Variants in AGBL4 observed in about 807,000 individuals in gnomAD.
AGBL4 encodes AGBL carboxypeptidase 4.
In AGBL4, 58 loss-of-function variants were observed where a neutral mutation model predicts 66.4. The observed-to-expected ratio is 0.87, with a 90% confidence interval of 0.71 to 1.09. The LOEUF (loss-of-function observed/expected upper bound fraction) is 1.09. Ranked by LOEUF, AGBL4 falls within the 50% of genes least tolerant of loss-of-function variation. The pLI, the probability that AGBL4 is intolerant of heterozygous loss-of-function variation, is 0.00. For synonymous variants in AGBL4, 234 were observed against 222.9 expected (o/e 1.05, Z -0.44); for missense variants, 579 against 631.0 (o/e 0.92, Z 0.88).
intron 3 of AGBL4, among the ~76,000 whole-genome samples, chr1:49,312,744 TA>T (rs1357886232): frequency 1.3e-5 from 2 of 152,024 alleles, no homozygotes; most frequent in Non-Finnish European, 2.9e-5. Context: ...ATACGTCAAT[TA>T]GAGAATTGCC....
chr1:49,072,848 T>G (rs987258736), intron 4 of AGBL4, among the ~76,000 whole-genome samples: 1 of 152,190 alleles, frequency 6.6e-6, no homozygotes, highest in Admixed American at 6.5e-5. Flanking sequence ...TTCCAACTTG[T>G]TTCCATTCTC....
chr1:49,962,274 A>T (rs1367632617), intron 1 of AGBL4, among the ~76,000 whole-genome samples: 25 of 152,160 alleles, frequency 1.6e-4, no homozygotes. Flanking sequence ...GAATCTAAAA[A>T]TCATTTTGCT....
chr1:49,110,833 A>C (rs1019293123), intron 4 of AGBL4, among the ~76,000 whole-genome samples: 3 of 151,434 alleles, frequency 2.0e-5, no homozygotes, highest in Non-Finnish European at 2.9e-5. Flanking sequence ...AATTCAGTCT[A>C]CTCTTGATTT....
chr1:49,915,205 T>A (rs1651283954), intron 1 of AGBL4, among the ~76,000 whole-genome samples: 1 of 151,812 alleles, frequency 6.6e-6, no homozygotes. Context: ...AGGTACTGGG[T>A]TCATCTCACT....
intron 4 of AGBL4, among the ~76,000 whole-genome samples, chr1:49,094,840 A>C (rs975228678): frequency 3.3e-5 from 5 of 152,262 alleles, no homozygotes; most frequent in Non-Finnish European, 7.4e-5. Context: ...TGGCCAGGGC[A>C]ATCAGGCAGA....
intron 5 of AGBL4, among the ~76,000 whole-genome samples, chr1:49,009,795 A>C (rs1246270019): frequency 6.6e-6 from 1 of 152,102 alleles, no homozygotes; most frequent in African/African-American, 2.4e-5. Flanking sequence ...TTATCTCAAT[A>C]GATGCAGAAA....
At chr1:48,867,110 A>G in intron 6 of AGBL4, 81 bp downstream of exon 6, 1 of 1,491,686 alleles carries the variant, frequency 6.7e-7, no homozygotes, top group Non-Finnish European at 9.3e-7. Context: ...AGAGAAGGGC[A>G]AGAATTGCAT....
chr1:49,111,331 C>T (rs1645405902), intron 4 of AGBL4, among the ~76,000 whole-genome samples: 1 of 152,278 alleles, frequency 6.6e-6, no homozygotes, highest in Non-Finnish European at 1.5e-5. Context: ...CCAGGATGGT[C>T]TCAATCTCCT....
chr1:49,357,118 C>T (rs767385422), intron 3 of AGBL4, among the ~76,000 whole-genome samples: 9 of 152,148 alleles, frequency 5.9e-5, no homozygotes, highest in Non-Finnish European at 1.0e-4. Flanking sequence ...TATAAAGTGA[C>T]TGGGGGCAAA....
At chr1:49,315,907 T>C (rs993551429) in intron 3 of AGBL4, among the ~76,000 whole-genome samples, 1 of 152,076 alleles carries the variant, frequency 6.6e-6, no homozygotes, top group African/African-American at 2.4e-5. Flanking sequence ...CATCTATTTA[T>C]ACAATGAAAT....
In AGBL4 at chr1:49,851,380, C is replaced by T; in HGVS notation, c.157+16G>A. The T allele has an allele frequency of 1.3e-6, 2 of 1,535,558 alleles. No homozygotes were observed. Among genetic ancestry groups the T allele is most frequent in the South Asian group, 2.5e-5 (2 of 80,224 alleles). The stretch of plus-strand genomic sequence containing the variant: ...TACCAGACAAACTTAAAAGGAAAAG[C>T]CTTTAATATACTTACCACTTTCAAA... On this transcript the variant is annotated intron_variant, in intron 2 of 13. Coordinates refer to ENST00000371839, the MANE Select transcript of AGBL4 (RefSeq NM_032785.4).
chr1:49,470,922 C>G (rs1646729981), intron 3 of AGBL4, among the ~76,000 whole-genome samples: 1 of 152,068 alleles, frequency 6.6e-6, no homozygotes, highest in South Asian at 2.1e-4. Flanking sequence ...CCGGCTCACT[C>G]TTAAATTCCT....
At chr1:49,186,650 C>T (rs543883571) in intron 4 of AGBL4, among the ~76,000 whole-genome samples, 1 of 152,286 alleles carries the variant, frequency 6.6e-6, no homozygotes, top group South Asian at 2.1e-4. Context: ...TAATGGGTAT[C>T]ACAGATCCAG....
chr1:49,172,161 T>A (rs1021730464), intron 4 of AGBL4, among the ~76,000 whole-genome samples: 4 of 152,172 alleles, frequency 2.6e-5, no homozygotes, highest in Admixed American at 2.0e-4. Context: ...TATGATCTAA[T>A]AGAGGAGATG....
At chr1:49,188,964 G>T (rs1178286576) in intron 4 of AGBL4, among the ~76,000 whole-genome samples, 2 of 152,146 alleles carry the variant, frequency 1.3e-5, no homozygotes, top group African/African-American at 4.8e-5. Flanking sequence ...ACTGGCAGTT[G>T]CTTTCTAGAG....
chr1:49,876,881 G>A (rs1279685842), intron 1 of AGBL4, among the ~76,000 whole-genome samples: 1 of 150,218 alleles, frequency 6.7e-6, no homozygotes, highest in East Asian at 1.9e-4. Context: ...CACATCCCTT[G>A]TAAGTTGGAT....
chr1:49,940,167 A>T (rs1168487990), intron 1 of AGBL4, among the ~76,000 whole-genome samples: 2 of 152,176 alleles, frequency 1.3e-5, no homozygotes, highest in Non-Finnish European at 2.9e-5. Context: ...ATCTCACACC[A>T]GTTAGAATGG....
At chr1:49,052,601 T>A (rs558805842) in intron 4 of AGBL4, among the ~76,000 whole-genome samples, 6 of 152,280 alleles carry the variant, frequency 3.9e-5, no homozygotes, top group African/African-American at 1.4e-4. Context: ...GTATTAGAAT[T>A]CTGGGTGCTT....
intron 1 of AGBL4, among the ~76,000 whole-genome samples, chr1:49,989,617 C>T (rs1268961745): frequency 2.0e-5 from 3 of 152,126 alleles, no homozygotes; most frequent in South Asian, 2.1e-4. Flanking sequence ...AATGAATGTC[C>T]TCTATTTAGA....
Sources: allele counts gnomAD v4.1 joint callset (sites outside exome capture counted in the v4.1 genomes callset), GRCh38; gene constraint gnomAD v4.1.1; transcripts MANE v1.5; gene names NCBI Gene and HGNC (gene_info 2026-07-23, HGNC 2026-07-21).